NCAM1: variants seen among roughly 807,000 people sequenced by gnomAD.
The protein encoded by NCAM1 is neural cell adhesion molecule 1, also known as antigen recognized by monoclonal antibody 5.1H11.
NCAM1 carries 14 observed loss-of-function variants against 109.8 expected under a neutral mutation model. That is an observed-to-expected ratio of 0.13 (90% CI 0.08 to 0.20). The LOEUF is 0.20. NCAM1 is among the 10% of genes least tolerant of loss of function. NCAM1 has a pLI of 1.00. For synonymous variants in NCAM1, 418 were observed against 442.9 expected, an observed-to-expected ratio of 0.94 and a Z score of 0.70; for missense variants, 774 against 1,109.9, an observed-to-expected ratio of 0.70 and a Z score of 4.30.
intron 13 of NCAM1, among the ~76,000 whole-genome samples, chr11:113,234,191 C>A (rs1945094107): frequency 6.6e-6 from 1 of 150,828 alleles, no homozygotes; most frequent in Non-Finnish European, 1.5e-5. Flanking sequence ...GCCTTCCTAA[C>A]TTCCCTCTGA....
At chr11:113,058,084 A>G (rs1220625065) in intron 1 of NCAM1, among the ~76,000 whole-genome samples, 1 of 152,100 alleles carries the variant, frequency 6.6e-6, no homozygotes, top group Non-Finnish European at 1.5e-5. Flanking sequence ...CGAGTTCGAG[A>G]CCAGCCTGGC....
At chr11:113,016,425 T>G (rs1952206594) in intron 1 of NCAM1, among the ~76,000 whole-genome samples, 1 of 152,230 alleles carries the variant, frequency 6.6e-6, no homozygotes, top group Admixed American at 6.5e-5. Context: ...TTTCTGGTGC[T>G]GCTCTCATGC....
rs529954380 is a variant in NCAM1, at chr11:113,014,100, A to G, written c.52+52436A>G. Reference sequence around the variant, plus strand: ...GTACATTTCTAATTTTTGTAACTTTATGTATTAATACTACTCAGATAAATG... The same window carrying G: ...GTACATTTCTAATTTTTGTAACTTTGTGTATTAATACTACTCAGATAAATG... On this transcript the variant is annotated intron_variant, in intron 1 of 19. Coordinates refer to ENST00000316851, the MANE Select transcript of NCAM1 (RefSeq NM_181351.5). Among the ~76,000 whole-genome samples the G allele has an allele frequency of 9.9e-5, 15 of 152,268 alleles. No individual in the cohort carries two copies. In the South Asian group the frequency reaches 3.1e-3, roughly 32 times the overall value.
chr11:113,181,842 C>T (rs1555108046), intron 1 of NCAM1, among the ~76,000 whole-genome samples: 1 of 152,096 alleles, frequency 6.6e-6, no homozygotes, highest in African/African-American at 2.4e-5. Flanking sequence ...TAAGGAACCC[C>T]ACGCTATTTT....
intron 1 of NCAM1, among the ~76,000 whole-genome samples, chr11:113,044,302 G>A (rs1953186189): frequency 6.6e-6 from 1 of 152,048 alleles, no homozygotes; most frequent in African/African-American, 2.4e-5. Context: ...AAAGTAATTA[G>A]TTTTAGTTAT....
intron 1 of NCAM1, among the ~76,000 whole-genome samples, chr11:113,162,427 G>T (rs1447426901): frequency 6.6e-6 from 1 of 152,158 alleles, no homozygotes; most frequent in African/African-American, 2.4e-5. Flanking sequence ...TAACATAGAA[G>T]TCAGGAGACC....
intron 1 of NCAM1, among the ~76,000 whole-genome samples, chr11:113,159,510 A>T (rs1305258502): frequency 6.6e-6 from 1 of 152,246 alleles, no homozygotes; most frequent in Non-Finnish European, 1.5e-5. Context: ...GGTGAAACTT[A>T]CTAGATATTG....
At chr11:113,222,562 A>C (rs1395385945) in intron 9 of NCAM1, among the ~76,000 whole-genome samples, 3 of 152,182 alleles carry the variant, frequency 2.0e-5, no homozygotes, top group Admixed American at 6.5e-5. Context: ...TAGTGCTGTC[A>C]CAGGTTGGGT....
intron 1 of NCAM1, among the ~76,000 whole-genome samples, chr11:113,052,128 G>C (rs574521075): frequency 6.6e-6 from 1 of 152,150 alleles, no homozygotes; most frequent in Non-Finnish European, 1.5e-5. Flanking sequence ...AATCTGTGTG[G>C]GTAGTAAGTT....
chr11:113,172,367 C>T (rs148349287), intron 1 of NCAM1, among the ~76,000 whole-genome samples: 14 of 152,268 alleles, frequency 9.2e-5, no homozygotes, highest in Non-Finnish European at 1.8e-4. Context: ...TCCAAATAGC[C>T]GTCCTCACCT....
At chr11:113,055,733 A>G (rs1387732031) in intron 1 of NCAM1, among the ~76,000 whole-genome samples, 2 of 151,886 alleles carry the variant, frequency 1.3e-5, no homozygotes, top group Non-Finnish European at 2.9e-5. Context: ...AGGTGATGAG[A>G]TATCACTTCT....
chr11:113,142,418 G>T (rs1251895497), intron 1 of NCAM1, among the ~76,000 whole-genome samples: 1 of 152,174 alleles, frequency 6.6e-6, no homozygotes, highest in Non-Finnish European at 1.5e-5. Flanking sequence ...TGTTCTCTGA[G>T]TATGTAACAC....
Position 113,066,854 on chromosome 11 carries a change from A to G in NCAM1, c.52+105190A>G, listed in dbSNP as rs182599517. 1.2e-4 allele frequency among the ~76,000 whole-genome samples: 19 copies of G among 152,062 alleles called. No individual in the cohort carries two copies. In the South Asian group the frequency reaches 1.9e-3, roughly 15 times the overall value. On this transcript the variant is annotated intron_variant, in intron 1 of 19. Transcript: ENST00000316851. The stretch of plus-strand genomic sequence containing the variant: ...TCTCTACTAAAAATACGAAAAAGAA[A>G]TTAGCCAGGCATGGTGGCGGGCGCC...
At chr11:113,036,038 C>G (rs992557841) in intron 1 of NCAM1, among the ~76,000 whole-genome samples, 1 of 151,996 alleles carries the variant, frequency 6.6e-6, no homozygotes, top group Non-Finnish European at 1.5e-5. Context: ...TCCTGGGTGC[C>G]TGGGAGAAGT....
chr11:113,074,134 T>G (rs1379617107), intron 1 of NCAM1, among the ~76,000 whole-genome samples: 1 of 152,212 alleles, frequency 6.6e-6, no homozygotes. Flanking sequence ...GCTGCTGCTG[T>G]GTCCTTCTCT....
At chr11:113,169,679 G>A (rs1942928030) in intron 1 of NCAM1, among the ~76,000 whole-genome samples, 1 of 151,218 alleles carries the variant, frequency 6.6e-6, no homozygotes, top group Non-Finnish European at 1.5e-5. Context: ...CCAGGCTGGA[G>A]TGCAGTGTTG....
chr11:113,093,566 A>T (rs1211303193), intron 1 of NCAM1, among the ~76,000 whole-genome samples: 1 of 152,136 alleles, frequency 6.6e-6, no homozygotes. Context: ...AGCTGGATAG[A>T]GGTTCTTTAT....
intron 1 of NCAM1, among the ~76,000 whole-genome samples, chr11:113,167,887 T>C (rs1402347604): frequency 1.2e-4 from 19 of 152,042 alleles, no homozygotes; most frequent in African/African-American, 4.6e-4. Context: ...TGTATTACTG[T>C]TGTTGTTGTT....
chr11:113,255,854 T>C, intron 15 of NCAM1, 23 bp from the exon 16 acceptor site: 1 of 1,611,356 alleles, frequency 6.2e-7, no homozygotes, highest in Non-Finnish European at 8.5e-7. Context: ...GAGAATTTCA[T>C]GTGAATTAAC....
Sources: gnomAD v4.1 joint callset for allele counts (sites outside exome capture counted in the v4.1 genomes callset) on GRCh38, gnomAD v4.1.1 for gene constraint, MANE v1.5 for transcripts, NCBI Gene and HGNC (gene_info 2026-07-23, HGNC 2026-07-21) for gene names.